The following MITF variants were observed in gnomAD, a reference collection of about 807,000 sequenced individuals.
The protein encoded by MITF is microphthalmia-associated transcription factor.
Under a neutral mutation model 60.5 loss-of-function variants are expected in MITF, and 17 were observed. That is an observed-to-expected ratio of 0.28 (90% CI 0.19 to 0.42). The LOEUF is 0.42. Ranked by LOEUF, MITF falls within the 10% of genes least tolerant of loss-of-function variation. The pLI is 1.00. For synonymous variants in MITF, 260 were observed against 248.5 expected (o/e 1.05, Z -0.43); for missense variants, 622 against 683.5 (o/e 0.91, Z 1.00).
chr3:69,851,556 C>G (rs190400988), intron 1 of MITF, among the ~76,000 whole-genome samples: 1 of 152,264 alleles, frequency 6.6e-6, no homozygotes, highest in East Asian at 1.9e-4. Flanking sequence ...AAAACAGACT[C>G]AAAAGCCTGA....
intron 1 of MITF, among the ~76,000 whole-genome samples, chr3:69,876,655 G>A (rs1236596578): frequency 2.6e-5 from 4 of 152,144 alleles, no homozygotes; most frequent in African/African-American, 9.7e-5. Context: ...AATGCTGTTC[G>A]ATTTGTATGT....
At chr3:69,829,518 G>C (rs1477293585) in intron 1 of MITF, among the ~76,000 whole-genome samples, 5 of 151,992 alleles carry the variant, frequency 3.3e-5, no homozygotes, top group Non-Finnish European at 7.4e-5. Flanking sequence ...TTATTCATTT[G>C]TTCAGCCATC....
In MITF at chr3:69,941,315, T is replaced by C; in HGVS notation, c.746T>C (p.Leu249Ser). 1 of 1,611,672 alleles carries C rather than the reference T, an allele frequency of 6.2e-7. No homozygotes were observed. Among genetic ancestry groups the C allele is most frequent in the Non-Finnish European group, 8.5e-7 (1 of 1,177,996 alleles). Residue 249 changes from leucine (L) to serine (S), a missense_variant, in exon 5 of 10, where the codon TTG becomes TCG. Leu to Ser is a moderately radical substitution (Grantham distance 145, BLOSUM62 -2). Around this residue, in one of 5 missense-constraint regions of MITF, gnomAD observed 215 missense variants for 224.8 expected, o/e 0.96. Transcript: ENST00000352241. ...ATCTTGGGCTTGATGGATCCTGCTT[T>C]GCAAATGGCAAATACGGTATTGATA... ...EEILGLMDPA[L>S]QMANTLPVSG... is the part of the protein sequence containing the mutation.
chr3:69,829,699 A>C (rs1483836109), intron 1 of MITF, among the ~76,000 whole-genome samples: 9 of 142,488 alleles, frequency 6.3e-5, no homozygotes, highest in Non-Finnish European at 9.6e-5. Flanking sequence ...CACACACACC[A>C]ACTGTCAGGT....
At chr3:69,874,244 A>C (rs2064302493) in intron 1 of MITF, among the ~76,000 whole-genome samples, 1 of 152,224 alleles carries the variant, frequency 6.6e-6, no homozygotes, top group Non-Finnish European at 1.5e-5. Context: ...TTTGCAGAAT[A>C]AATTATCTTC....
At chr3:69,770,941 A>G (rs2062384187) in intron 1 of MITF, among the ~76,000 whole-genome samples, 1 of 152,212 alleles carries the variant, frequency 6.6e-6, no homozygotes, top group Admixed American at 6.5e-5. Context: ...CTTAGCATTA[A>G]CAAGTATCCG....
At position 69,895,738 on chromosome 3, in the gene MITF, G is replaced by A. The variant is rs1026595644; in HGVS notation, c.354+16355G>A. Among the ~76,000 whole-genome samples the A allele has an allele frequency of 4.0e-5, 6 of 150,188 alleles. No homozygotes were observed. The South Asian group carries it at 1.3e-3, about 32-fold the overall frequency. ...TGTGACTCACTTCTATAAATATTTT[G>A]CTCACTTTCCTTCAGTTTATATATT... On this transcript the variant is annotated intron_variant, in intron 2 of 9. Transcript: ENST00000352241.
rs1403169786 is a variant in MITF, at chr3:69,818,511, C to T, written c.105-60623C>T. Among the ~76,000 whole-genome samples, 4 of 152,134 alleles carry T rather than the reference C, an allele frequency of 2.6e-5. 1 individual carries two copies. Among genetic ancestry groups the T allele is most frequent in the Admixed American group, 2.0e-4 (3 of 15,252 alleles). On this transcript the variant is annotated intron_variant, in intron 1 of 9. Transcript: ENST00000352241. The stretch of plus-strand genomic sequence containing the variant: ...TTTCTACAATTTTCCAATATTAATG[C>T]TCATATCCTCACTGTTATTACTCAC...
chr3:69,964,749 CG>C lies in MITF; in HGVS notation c.1180-97del, dbSNP rs1336749825. ...GGGTTTGGCCAAATGTCTAATGACG[CG>C]CATCTACCATTATAGTATCATATAG... is the stretch of plus-strand genomic sequence containing the variant. On this transcript the variant is annotated intron_variant, in intron 9 of 9. Coordinates refer to ENST00000352241, the MANE Select transcript of MITF (RefSeq NM_001354604.2). The C allele has an allele frequency of 1.6e-5, 17 of 1,048,104 alleles. 1 individual carries two copies. The highest frequency in any genetic ancestry group is 2.3e-5 in the Non-Finnish European group (16 of 685,680). 64.9% of individuals were successfully genotyped at this position (1,048,104 alleles called of 1,614,324 possible).
Position 69,939,288 on chromosome 3 carries a change from T to TG in MITF, c.666+107_666+108insG. The stretch of plus-strand genomic sequence containing the variant: ...CTTAAGCATTTTTTTCCCCCATTGT[T>TG]TTTTTTTTTTTTATAGAGAAAGCTA... On this transcript the variant is annotated intron_variant, in intron 4 of 9. Transcript: ENST00000352241. 4.9e-6 allele frequency: 4 copies of TG among 820,356 alleles called. No individual in the cohort carries two copies. In the East Asian group the frequency reaches 9.1e-5, roughly 19 times the overall value. 50.8% of individuals were successfully genotyped at this position (820,356 alleles called of 1,614,324 possible).
Position 69,941,305 on chromosome 3 carries a change from G to T in MITF, c.736G>T (p.Asp246Tyr). 6.2e-7 allele frequency: 1 copy of T among 1,612,976 alleles called. No individual in the cohort carries two copies. The highest frequency in any genetic ancestry group is 8.5e-7 in the Non-Finnish European group (1 of 1,179,196). The change falls in exon 5 of 10, where the codon GAT (aspartate) becomes TAT (tyrosine). Residue 246 changes from aspartate (D) to tyrosine (Y), a missense_variant. Around this residue, in one of 5 missense-constraint regions of MITF, gnomAD observed 215 missense variants for 224.8 expected, o/e 0.96. Transcript: ENST00000352241. The stretch of plus-strand genomic sequence containing the variant: ...TAATGAGGAAATCTTGGGCTTGATG[G>T]ATCCTGCTTTGCAAATGGCAAATAC... The part of the protein sequence containing the change: ...SYNEEILGLM[D>Y]PALQMANTLP...
intron 2 of MITF, among the ~76,000 whole-genome samples, chr3:69,926,568 G>C (rs534458103): frequency 1.9e-4 from 29 of 152,060 alleles, no homozygotes; most frequent in Admixed American, 5.2e-4. Flanking sequence ...GGGGGGAAAT[G>C]GTACAACAAA....
At chr3:69,881,871 A>C (rs2064497487) in intron 2 of MITF, among the ~76,000 whole-genome samples, 1 of 152,146 alleles carries the variant, frequency 6.6e-6, no homozygotes, top group Non-Finnish European at 1.5e-5. Context: ...CTTAATTTTT[A>C]AAGGTTTAAC....
intron 2 of MITF, among the ~76,000 whole-genome samples, chr3:69,880,408 A>AT (rs1450701911): frequency 6.6e-6 from 1 of 152,094 alleles, no homozygotes; most frequent in Non-Finnish European, 1.5e-5. Context: ...AGAGTCAATT[A>AT]TTTTTTATTT....
intron 1 of MITF, among the ~76,000 whole-genome samples, chr3:69,787,961 A>C (rs2062677180): frequency 6.6e-6 from 1 of 152,106 alleles, no homozygotes; most frequent in Admixed American, 6.6e-5. Context: ...CTGTTTATTC[A>C]TCACAGCAAC....
At chr3:69,910,686 C>T (rs117408387) in intron 2 of MITF, among the ~76,000 whole-genome samples, 2,444 of 152,218 alleles carry the variant, frequency 0.016, 35 homozygotes, top group Middle Eastern at 0.051. Flanking sequence ...TTGACTGCTC[C>T]GCTGGATTTC....
At chr3:69,933,921 G>A (rs1419763225) in intron 2 of MITF, among the ~76,000 whole-genome samples, 1 of 152,198 alleles carries the variant, frequency 6.6e-6, no homozygotes, top group Non-Finnish European at 1.5e-5. Flanking sequence ...GCTGAAGACA[G>A]AAAATTATAT....
intron 2 of MITF, among the ~76,000 whole-genome samples, chr3:69,882,725 T>C (rs2064518310): frequency 6.6e-6 from 1 of 152,186 alleles, no homozygotes; most frequent in African/African-American, 2.4e-5. Flanking sequence ...TTCAGCCTTA[T>C]AGCTAAAGCA....
At chr3:69,924,001 G>A (rs77357337) in intron 2 of MITF, among the ~76,000 whole-genome samples, 2,748 of 152,166 alleles carry the variant, frequency 0.018, 73 homozygotes, top group African/African-American at 0.062. Context: ...AGTTGATTAC[G>A]TGTTTTAGAT....
Sources: allele counts gnomAD v4.1 joint callset (sites outside exome capture counted in the v4.1 genomes callset), GRCh38; gene constraint gnomAD v4.1.1; regional missense constraint gnomAD v4.1.1; transcripts MANE v1.5; gene names NCBI Gene and HGNC (gene_info 2026-07-23, HGNC 2026-07-21).